Variants in FBXO30 observed in about 807,000 individuals in gnomAD.
FBXO30 encodes the protein F-box protein 30.
In FBXO30, 21 loss-of-function variants were observed where a neutral mutation model predicts 58.1. That is an observed-to-expected ratio of 0.36 (90% confidence interval 0.26 to 0.52). FBXO30 has a LOEUF of 0.52. Ranked by LOEUF, FBXO30 falls within the 20% of genes least tolerant of loss-of-function variation. FBXO30 has a pLI of 0.93. For synonymous variants in FBXO30, 309 were observed against 312.4 expected (o/e 0.99, Z 0.11); for missense variants, 744 against 897.3 (o/e 0.83, Z 2.18).
chr6:145,806,656 T>C (rs1778179349), intron 1 of FBXO30, among the ~76,000 whole-genome samples: 1 of 152,226 alleles, frequency 6.6e-6, no homozygotes, highest in Non-Finnish European at 1.5e-5. Flanking sequence ...CGGTTCATTT[T>C]TATATACTAT....
rs1280861295 is a variant in FBXO30 at position 145,794,706 on chromosome 6, A to G, written c.*5400T>C. The G allele has an allele frequency of 2.0e-5, 3 of 151,902 alleles. No individual in the cohort carries two copies. Among genetic ancestry groups the G allele is most frequent in the African/African-American group, 7.2e-5 (3 of 41,414 alleles). 9.4% of individuals were successfully genotyped at this position (151,902 alleles called of 1,614,324 possible). On this transcript the variant is annotated 3_prime_UTR_variant, in exon 3 of 3. Transcript: ENST00000237281. ...TATTTCCATGGTTTGATTTATTTCA[A>G]TCAAATAACACGGTTAAACCTGAAT...
chr6:145,802,724 C>T (rs1778041944), intron 2 of FBXO30, among the ~76,000 whole-genome samples: 1 of 151,856 alleles, frequency 6.6e-6, no homozygotes, highest in Admixed American at 6.6e-5. Flanking sequence ...TGGAGAAGGG[C>T]CCAAATGGAA....
chr6:145,806,457 CA>C, intron 1 of FBXO30, 36 bp from the exon 2 acceptor site: 2 of 1,511,964 alleles, frequency 1.3e-6, no homozygotes, highest in South Asian at 1.2e-5. Flanking sequence ...AGAAATTAGC[CA>C]AAAAATGGTT....
chr6:145,805,372 G>A lies in FBXO30; in HGVS notation c.1034C>T (p.Ala345Val), dbSNP rs892412739. The change falls in exon 2 of 3, where the codon GCT (alanine) becomes GTT (valine). Residue 345 changes from alanine (A) to valine (V), a missense_variant. By Grantham distance (64) the Ala-to-Val change is moderately conservative (BLOSUM62 0). Coordinates refer to ENST00000237281, the MANE Select transcript of FBXO30 (RefSeq NM_032145.5). ...ATGCTGAACTGTGCCATTAGGCAAAGCACTGGATGGTATTATTTCCCTAAG... is the reference window on the plus strand; with the variant it reads ...ATGCTGAACTGTGCCATTAGGCAAAACACTGGATGGTATTATTTCCCTAAG... ...AQLREIIPSS[A>V]LPNGTVQHIL... 4 of 1,614,082 alleles carry A rather than the reference G, an allele frequency of 2.5e-6. No homozygotes were observed. The highest frequency in any genetic ancestry group is 2.2e-5 in the East Asian group (1 of 44,874).
chr6:145,812,267 A>G lies in FBXO30; in HGVS notation c.-17+2336T>C, dbSNP rs545383854. ...ATTTCTAAATAGAGTCATGGTCATG[A>G]GTAGCTTATTCCAAAGCGAAATCTA... On this transcript the variant is annotated intron_variant, in intron 1 of 2. Transcript: ENST00000237281. 7.9e-5 allele frequency among the ~76,000 whole-genome samples: 12 copies of G among 152,334 alleles called. No homozygotes were observed. In the East Asian group the frequency reaches 2.3e-3, roughly 29 times the overall value.
At chr6:145,802,610 G>A (rs1190747531) in intron 2 of FBXO30, among the ~76,000 whole-genome samples, 3 of 152,104 alleles carry the variant, frequency 2.0e-5, no homozygotes, top group Non-Finnish European at 4.4e-5. Context: ...TCTATCCAGG[G>A]GTGATGAACA....
In FBXO30 at chr6:145,797,444, C is replaced by T. The variant is rs951612361; in HGVS notation, c.*2662G>A. The T allele has an allele frequency of 3.3e-5, 5 of 152,056 alleles. No individual in the cohort carries two copies. Among genetic ancestry groups the T allele is most frequent in the African/African-American group, 1.2e-4 (5 of 41,420 alleles). 9.4% of individuals were successfully genotyped at this position (152,056 alleles called of 1,614,324 possible). ...CAGAGGGTAGCTGGCATGACCCAGT[C>T]TTCCCTCTAAGTTCTAATACTTTAC... On this transcript the variant is annotated 3_prime_UTR_variant, in exon 3 of 3. Coordinates refer to ENST00000237281, the MANE Select transcript of FBXO30 (RefSeq NM_032145.5).
chr6:145,805,641 T>G lies in FBXO30; in HGVS notation c.765A>C (p.Thr255=). 2.5e-6 allele frequency: 4 copies of G among 1,614,136 alleles called. No individual in the cohort carries two copies. The highest frequency in any genetic ancestry group is 3.4e-6 in the Non-Finnish European group (4 of 1,179,996). Residue 255 remains threonine (T), a synonymous_variant, in exon 2 of 3, where the codon ACA becomes ACC. Coordinates refer to ENST00000237281, the MANE Select transcript of FBXO30 (RefSeq NM_032145.5). The part of the protein sequence containing the change: ...GAVGGIDYND[T]NQNAQSEQNG... The stretch of plus-strand genomic sequence containing the variant: ...TTTGTTCAGACTGGGCATTCTGATT[T>G]GTGTCATTGTAGTCAATTCCACCTA...
In FBXO30 at chr6:145,794,244, T is replaced by A. The variant is rs939645510; in HGVS notation, c.*5862A>T. The A allele has an allele frequency of 6.6e-6, 1 of 151,934 alleles. No individual in the cohort carries two copies. The highest frequency in any genetic ancestry group is 1.5e-5 in the Non-Finnish European group (1 of 67,850). The allele number at this position is 151,934 out of a possible 1,614,324, so 9.4% of individuals were successfully genotyped here. A position where few individuals can be genotyped will look rare whatever the true frequency, so the allele number is the denominator to read the frequency against. On this transcript the variant is annotated 3_prime_UTR_variant, in exon 3 of 3. Coordinates refer to ENST00000237281, the MANE Select transcript of FBXO30 (RefSeq NM_032145.5). ...TTGTGTCTAGCTTCATTCACTTAGG[T>A]TTTTTATCCTCCAAAGAATATCACA...
At position 145,814,783 on chromosome 6, in the gene FBXO30, A is replaced by T. The variant is rs532682235; in HGVS notation, c.-197T>A. 1 of 151,880 alleles carries T rather than the reference A, an allele frequency of 6.6e-6. No individual in the cohort carries two copies. The highest frequency in any genetic ancestry group is 2.4e-5 in the African/African-American group (1 of 41,250). 9.4% of individuals were successfully genotyped at this position (151,880 alleles called of 1,614,324 possible). ...CTCCCGGCCTGCTCCAGAGGCAGCC[A>T]CCCTCCTCGCGCGCCCCGCCCCGCT... On this transcript the variant is annotated 5_prime_UTR_variant, in exon 1 of 3. Coordinates refer to ENST00000237281, the MANE Select transcript of FBXO30 (RefSeq NM_032145.5).
At chr6:145,807,856 G>A (rs987238896) in intron 1 of FBXO30, among the ~76,000 whole-genome samples, 6 of 151,962 alleles carry the variant, frequency 3.9e-5, no homozygotes, top group Admixed American at 2.6e-4. Context: ...TAATAGTCAC[G>A]GTGGCTCAAA....
In FBXO30 at chr6:145,805,423, G is replaced by A. The variant is rs1172266499; in HGVS notation, c.983C>T (p.Ser328Phe). ...TTGTGCTGCCACCGCAAGTGAGCTG[G>A]AAGGTTTTGAAGTGCCATCTGATGA... Reference protein sequence around the residue: ...VASSDGTSKPSSSLAVAAQLR... With the variant: ...VASSDGTSKPFSSLAVAAQLR... Residue 328 changes from serine (S) to phenylalanine (F), a missense_variant, in exon 2 of 3, where the codon TCC (serine) becomes TTC (phenylalanine). Transcript: ENST00000237281. 1 of 1,613,850 alleles carries A rather than the reference G, an allele frequency of 6.2e-7. No individual in the cohort carries two copies. Among genetic ancestry groups the A allele is most frequent in the Non-Finnish European group, 8.5e-7 (1 of 1,179,898 alleles).
chr6:145,800,496 A>G (rs1777963401), intron 2 of FBXO30, among the ~76,000 whole-genome samples, 187 bp from the exon 3 acceptor site: 1 of 152,170 alleles, frequency 6.6e-6, no homozygotes, highest in Non-Finnish European at 1.5e-5. Context: ...TACAAGGTAA[A>G]TCACTTCTAT....
At position 145,805,530 on chromosome 6, in the gene FBXO30, T is replaced by A. The variant is rs765297533; in HGVS notation, c.876A>T (p.Ile292=). The change falls in exon 2 of 3, where the codon ATA becomes ATT. Residue 292 remains isoleucine, a synonymous_variant. Coordinates refer to ENST00000237281, the MANE Select transcript of FBXO30 (RefSeq NM_032145.5). ...ALCNGFPLEN[I]CTQVIDQNQN... is the part of the protein sequence containing the mutation. ...GATTCTGGTCTATGACCTGGGTACATATATTTTCCAAAGGAAAGCCATTAC... is the reference window on the plus strand; with the variant it reads ...GATTCTGGTCTATGACCTGGGTACAAATATTTTCCAAAGGAAAGCCATTAC... 1.2e-6 allele frequency: 2 copies of A among 1,606,900 alleles called. No homozygotes were observed. The highest frequency in any genetic ancestry group is 2.2e-5 in the East Asian group (1 of 44,850).
intron 2 of FBXO30, 80 bp from the exon 3 acceptor site, chr6:145,800,389 A>AT: frequency 9.1e-7 from 1 of 1,099,948 alleles, no homozygotes; most frequent in Non-Finnish European, 1.3e-6. Context: ...TACTGCATAC[A>AT]TTTCTGCTAT....
chr6:145,814,414 G>A lies in FBXO30; in HGVS notation c.-17+189C>T, dbSNP rs146653124. The stretch of plus-strand genomic sequence containing the variant: ...GACGCCCTCTCAGGGCGCCCGGACG[G>A]CCGACCCGGGACGCGCATGGACCGG... On this transcript the variant is annotated intron_variant, in intron 1 of 2. Transcript: ENST00000237281. 4.9e-3 allele frequency among the ~76,000 whole-genome samples: 742 copies of A among 152,146 alleles called. 6 individuals carry two copies. Among genetic ancestry groups the A allele is most frequent in the African/African-American group, 0.015 (606 of 41,544 alleles).
Position 145,805,828 on chromosome 6 carries a change from A to G in FBXO30, c.578T>C (p.Leu193Ser). Residue 193 changes from leucine (L) to serine (S), a missense_variant, in exon 2 of 3, where the codon TTG becomes TCG. Physicochemically the swap from Leu to Ser is moderately radical, Grantham distance 145 (BLOSUM62 -2). Around this residue, in one of 3 missense-constraint regions of FBXO30, gnomAD observed 275 missense variants for 262.0 expected, o/e 1.05. Transcript: ENST00000237281. The stretch of plus-strand genomic sequence containing the variant: ...ATTCAGGATATCCAAAGCAGCAGCC[A>G]AACTTCTGGTTGTTTCTACAGTAGC... Reference protein sequence around the residue: ...YQATVETTRSLAAALDILNTA... With the variant: ...YQATVETTRSSAAALDILNTA... 6.2e-7 allele frequency: 1 copy of G among 1,614,114 alleles called. No homozygotes were observed. Among genetic ancestry groups the G allele is most frequent in the East Asian group, 2.2e-5 (1 of 44,874 alleles).
rs1193307865 is a variant in FBXO30 at position 145,793,690 on chromosome 6, T to C, written c.*6416A>G. 1 of 151,970 alleles carries C rather than the reference T, an allele frequency of 6.6e-6. No homozygotes were observed. Among genetic ancestry groups the C allele is most frequent in the Non-Finnish European group, 1.5e-5 (1 of 67,898 alleles). 9.4% of individuals were successfully genotyped at this position (151,970 alleles called of 1,614,324 possible). A position where few individuals can be genotyped will look rare whatever the true frequency, so the allele number is the denominator to read the frequency against. Reference sequence around the variant, plus strand: ...GTGCCACAAGGAATCATAATAAATTTCAAAAGATAAAAAATAAACATTGAC... The same window carrying C: ...GTGCCACAAGGAATCATAATAAATTCCAAAAGATAAAAAATAAACATTGAC... On this transcript the variant is annotated 3_prime_UTR_variant, in exon 3 of 3. Coordinates refer to ENST00000237281, the MANE Select transcript of FBXO30 (RefSeq NM_032145.5).
chr6:145,808,674 T>A (rs1778250785), intron 1 of FBXO30, among the ~76,000 whole-genome samples: 1 of 152,048 alleles, frequency 6.6e-6, no homozygotes, highest in Non-Finnish European at 1.5e-5. Flanking sequence ...TACAATGGAT[T>A]ACTTATGATA....
Sources: gnomAD v4.1 joint callset for allele counts (sites outside exome capture counted in the v4.1 genomes callset) on GRCh38, gnomAD v4.1.1 for gene constraint, gnomAD v4.1.1 regional missense constraint, MANE v1.5 for transcripts, NCBI Gene and HGNC (gene_info 2026-07-23, HGNC 2026-07-21) for gene names.